The following MBD5 variants were observed in gnomAD, a reference collection of about 807,000 sequenced individuals.
MBD5 encodes the protein methyl-CpG binding domain protein 5, also known as methyl-CpG-binding domain protein 5.
MBD5 carries 13 observed loss-of-function variants against 117.3 expected under a neutral mutation model. That is an observed-to-expected ratio of 0.11 (90% CI 0.07 to 0.18). The LOEUF (loss-of-function observed/expected upper bound fraction) is 0.18. Ranked by LOEUF, MBD5 falls within the 10% of genes least tolerant of loss-of-function variation. MBD5 has a pLI of 1.00. For missense variants in MBD5, 1,879 were observed against 2,093.8 expected, an observed-to-expected ratio of 0.90 and a Z score of 2.00; for synonymous variants, 727 against 766.4, an observed-to-expected ratio of 0.95 and a Z score of 0.85.
At chr2:148,416,506 G>A (rs975786364) in intron 4 of MBD5, among the ~76,000 whole-genome samples, 2 of 152,098 alleles carry the variant, frequency 1.3e-5, no homozygotes, top group African/African-American at 4.8e-5. Flanking sequence ...ACTGGTGGGG[G>A]TGGGGTTGCC....
intron 1 of MBD5, among the ~76,000 whole-genome samples, chr2:148,120,491 C>T (rs1299147922): frequency 1.3e-5 from 2 of 152,168 alleles, no homozygotes; most frequent in African/African-American, 2.4e-5. Context: ...GTAGTTTTCA[C>T]AGTGTAAGTC....
At chr2:148,229,347 A>G (rs1250251300) in intron 2 of MBD5, among the ~76,000 whole-genome samples, 5 of 151,762 alleles carry the variant, frequency 3.3e-5, no homozygotes, top group Non-Finnish European at 7.4e-5. Flanking sequence ...CTTTGTAATT[A>G]TTTCAATCTC....
intron 3 of MBD5, among the ~76,000 whole-genome samples, chr2:148,235,511 T>G (rs141369546): frequency 2.6e-4 from 40 of 152,264 alleles, no homozygotes; most frequent in African/African-American, 8.9e-4. Context: ...GCTATTTCAT[T>G]TATTTTCCAC....
chr2:148,372,303 A>G (rs1703876362), intron 4 of MBD5, among the ~76,000 whole-genome samples: 1 of 152,160 alleles, frequency 6.6e-6, no homozygotes, highest in Non-Finnish European at 1.5e-5. Flanking sequence ...TCTACATTAG[A>G]GATCTAAAAT....
rs1321375541 is a variant in MBD5, at chr2:148,444,175, ATCT to A, written c.-556-14021_-556-14019del. On this transcript the variant is annotated intron_variant, in intron 4 of 13. Transcript: ENST00000642680. ...CTAAAATAACTTTAGCATCATAGCCATCTTCTTCTCATAAGTTAGAGACTTCTT... is the reference window on the plus strand; with the variant it reads ...CTAAAATAACTTTAGCATCATAGCCATCTTCTCATAAGTTAGAGACTTCTT... 2.6e-5 allele frequency among the ~76,000 whole-genome samples: 4 copies of A among 151,526 alleles called. 1 individual carries two copies. The highest frequency in any genetic ancestry group is 7.3e-5 in the African/African-American group (3 of 40,826).
chr2:148,417,931 C>T (rs1287430392), intron 4 of MBD5, among the ~76,000 whole-genome samples: 1 of 151,992 alleles, frequency 6.6e-6, no homozygotes, highest in African/African-American at 2.4e-5. Flanking sequence ...CCTCCGCCTC[C>T]TGGGCTCAAG....
chr2:148,274,284 T>G lies in MBD5; in HGVS notation c.-680+40889T>G, dbSNP rs540556077. ...TGGGGTACACATGCAGAACGTGCAGTTTTGTTACATAGGTATAGACGTGCC... is the reference window on the plus strand; with the variant it reads ...TGGGGTACACATGCAGAACGTGCAGGTTTGTTACATAGGTATAGACGTGCC... On this transcript the variant is annotated intron_variant, in intron 3 of 13. Coordinates refer to ENST00000642680, the MANE Select transcript of MBD5 (RefSeq NM_001378120.1). 8.5e-5 allele frequency among the ~76,000 whole-genome samples: 13 copies of G among 152,148 alleles called. No individual in the cohort carries two copies. The East Asian group carries it at 2.1e-3, about 25-fold the overall frequency.
chr2:148,176,304 G>GTTTTT (rs34981118), intron 1 of MBD5, among the ~76,000 whole-genome samples: 1 of 98,920 alleles, frequency 1.0e-5, no homozygotes, highest in Non-Finnish European at 2.0e-5. Context: ...TTAGAGTTTT[G>GTTTTT]TTTTTTTTTT....
At chr2:148,322,134 T>G (rs1408043331) in intron 3 of MBD5, among the ~76,000 whole-genome samples, 1 of 152,214 alleles carries the variant, frequency 6.6e-6, no homozygotes, top group Non-Finnish European at 1.5e-5. Context: ...GGCAGATACA[T>G]AAGCAAATTT....
At chr2:148,411,593 T>G (rs1705251878) in intron 4 of MBD5, among the ~76,000 whole-genome samples, 1 of 148,944 alleles carries the variant, frequency 6.7e-6, no homozygotes. Flanking sequence ...TTGATTTGCA[T>G]TTCTCTGATG....
chr2:148,294,223 T>G (rs368089030), intron 3 of MBD5, among the ~76,000 whole-genome samples: 37,530 of 139,660 alleles, frequency 0.27, 5,849 homozygotes, highest in East Asian at 0.58. Flanking sequence ...TTTTTTTTTT[T>G]TTTTTTTTTT....
chr2:148,347,856 G>A (rs973134468), intron 4 of MBD5, among the ~76,000 whole-genome samples: 37 of 151,632 alleles, frequency 2.4e-4, no homozygotes, highest in Non-Finnish European at 5.2e-4. Context: ...AGTACCTAGG[G>A]CCCATAAAAA....
intron 4 of MBD5, among the ~76,000 whole-genome samples, chr2:148,383,160 T>A (rs1304114201): frequency 6.6e-6 from 1 of 152,038 alleles, no homozygotes; most frequent in Non-Finnish European, 1.5e-5. Flanking sequence ...AATTAGTGAA[T>A]CCAGGAGCTG....
chr2:148,204,409 G>A (rs1180134335), intron 2 of MBD5, among the ~76,000 whole-genome samples: 1 of 152,044 alleles, frequency 6.6e-6, no homozygotes, highest in Non-Finnish European at 1.5e-5. Flanking sequence ...AACCAAAAGA[G>A]TAGAAAAGAA....
At chr2:148,404,390 C>G (rs1241775680) in intron 4 of MBD5, among the ~76,000 whole-genome samples, 1 of 152,148 alleles carries the variant, frequency 6.6e-6, no homozygotes, top group Non-Finnish European at 1.5e-5. Flanking sequence ...GACTTTCTTT[C>G]AAGCAATTAT....
At chr2:148,102,765 G>C (rs1358887416) in intron 1 of MBD5, among the ~76,000 whole-genome samples, 2 of 68,626 alleles carry the variant, frequency 2.9e-5, no homozygotes, top group Non-Finnish European at 6.8e-5. Context: ...GAGAGAGGAA[G>C]AGAGAGAGAG....
chr2:148,435,364 T>C (rs6706461), intron 4 of MBD5, among the ~76,000 whole-genome samples: 37,546 of 152,082 alleles, frequency 0.25, 5,383 homozygotes, highest in African/African-American at 0.39. Context: ...CACTCATCTG[T>C]GTACTGTTTT....
At chr2:148,022,999 A>G (rs1693802379) in intron 1 of MBD5, among the ~76,000 whole-genome samples, 1 of 151,814 alleles carries the variant, frequency 6.6e-6, no homozygotes, top group Non-Finnish European at 1.5e-5. Flanking sequence ...TTTGTTTCAT[A>G]TATACATTTC....
intron 4 of MBD5, among the ~76,000 whole-genome samples, chr2:148,445,033 T>A (rs1706444933): frequency 6.6e-6 from 1 of 151,306 alleles, no homozygotes; most frequent in Non-Finnish European, 1.5e-5. Context: ...TCTTGGCTGC[T>A]TTCTGAGAAA....
Sources: gnomAD v4.1 joint callset for allele counts (sites outside exome capture counted in the v4.1 genomes callset) on GRCh38, gnomAD v4.1.1 for gene constraint, MANE v1.5 for transcripts, NCBI Gene and HGNC (gene_info 2026-07-23, HGNC 2026-07-21) for gene names.